Variants in THSD7A observed in about 807,000 individuals in gnomAD.
THSD7A encodes the protein thrombospondin type 1 domain containing 7A, also known as thrombospondin type-1 domain-containing protein 7A.
A neutral mutation model predicts 231.3 loss-of-function variants in THSD7A; 96 were observed. That is an observed-to-expected ratio of 0.41 (90% CI 0.35 to 0.49). The LOEUF is 0.49. THSD7A is among the 20% of genes least tolerant of loss of function. The pLI, the probability that THSD7A is intolerant of heterozygous loss-of-function variation, is 0.05. For missense variants in THSD7A, 2,290 were observed against 2,070.2 expected (o/e 1.11, Z -2.06); for synonymous variants, 940 against 743.3 (o/e 1.26, Z -4.30).
chr7:11,824,671 G>A (rs1784973839), intron 1 of THSD7A, among the ~76,000 whole-genome samples: 1 of 152,048 alleles, frequency 6.6e-6, no homozygotes, highest in Admixed American at 6.6e-5. Flanking sequence ...AACCAATATA[G>A]TTTTAATGAA....
chr7:11,671,480 T>G (rs755889672), intron 1 of THSD7A, among the ~76,000 whole-genome samples: 4 of 152,208 alleles, frequency 2.6e-5, no homozygotes, highest in Admixed American at 6.6e-5. Flanking sequence ...AGAAACATTC[T>G]GTTCATCTGG....
At chr7:11,777,252 A>C (rs1479113362) in intron 1 of THSD7A, among the ~76,000 whole-genome samples, 4 of 152,168 alleles carry the variant, frequency 2.6e-5, no homozygotes, top group Admixed American at 6.5e-5. Flanking sequence ...CAAGAGATTA[A>C]CTACTTTTTT....
chr7:11,518,078 T>C (rs1434553802), intron 6 of THSD7A, among the ~76,000 whole-genome samples: 4 of 152,154 alleles, frequency 2.6e-5, no homozygotes, highest in Non-Finnish European at 5.9e-5. Context: ...CCACCTTATT[T>C]AACTTCTGAG....
chr7:11,485,845 TGA>T (rs1304284663), intron 6 of THSD7A, among the ~76,000 whole-genome samples: 1 of 152,244 alleles, frequency 6.6e-6, no homozygotes, highest in Non-Finnish European at 1.5e-5. Flanking sequence ...GCATTGTTGA[TGA>T]GTCCAGTGGG....
intron 23 of THSD7A, among the ~76,000 whole-genome samples, chr7:11,396,135 A>G (rs1347603413): frequency 1.3e-5 from 2 of 152,232 alleles, no homozygotes; most frequent in Non-Finnish European, 2.9e-5. Context: ...TCTCTGGCAC[A>G]CAGCTAAAAC....
intron 6 of THSD7A, among the ~76,000 whole-genome samples, chr7:11,524,178 T>C (rs921361351): frequency 6.6e-6 from 1 of 152,204 alleles, no homozygotes; most frequent in Non-Finnish European, 1.5e-5. Flanking sequence ...AATTGTACCC[T>C]GGCTCTGTGG....
chr7:11,537,503 C>G (rs1412340976), intron 6 of THSD7A, among the ~76,000 whole-genome samples: 2 of 152,108 alleles, frequency 1.3e-5, no homozygotes, highest in Non-Finnish European at 2.9e-5. Context: ...GCATCTCTCT[C>G]TTCTCTCCCT....
intron 1 of THSD7A, among the ~76,000 whole-genome samples, chr7:11,783,097 C>T (rs1783684230): frequency 6.6e-6 from 1 of 152,100 alleles, no homozygotes; most frequent in South Asian, 2.1e-4. Flanking sequence ...GAAGCTTAAT[C>T]CCATCAGCAA....
In THSD7A at chr7:11,427,062, G is replaced by C. The variant is rs78747965; in HGVS notation, c.3244-391C>G. Reference sequence around the variant, plus strand: ...AGTATATTTATAGATTGATCTATCCGTTGATTTACCTTAATCAGTTCATCT... The same window carrying C: ...AGTATATTTATAGATTGATCTATCCCTTGATTTACCTTAATCAGTTCATCT... On this transcript the variant is annotated intron_variant, in intron 14 of 27. Coordinates refer to ENST00000423059, the MANE Select transcript of THSD7A (RefSeq NM_015204.3). Among the ~76,000 whole-genome samples the C allele has an allele frequency of 2.4e-4, 37 of 152,220 alleles. No homozygotes were observed. The South Asian group carries it at 3.1e-3, about 13-fold the overall frequency.
At chr7:11,713,273 A>G (rs1781025093) in intron 1 of THSD7A, among the ~76,000 whole-genome samples, 1 of 151,328 alleles carries the variant, frequency 6.6e-6, no homozygotes, top group Admixed American at 6.6e-5. Flanking sequence ...ATGAATAAAT[A>G]GGTTAAAAAG....
intron 4 of THSD7A, among the ~76,000 whole-genome samples, chr7:11,559,330 G>T (rs1789981887): frequency 6.6e-6 from 1 of 152,118 alleles, no homozygotes; most frequent in Non-Finnish European, 1.5e-5. Context: ...GGAGGCAGTA[G>T]AAAACTAATA....
chr7:11,635,085 A>C (rs1429264814), intron 2 of THSD7A, among the ~76,000 whole-genome samples: 1 of 152,186 alleles, frequency 6.6e-6, no homozygotes, highest in Non-Finnish European at 1.5e-5. Flanking sequence ...CAAGATTTCC[A>C]GAGGCCATAA....
chr7:11,393,444 T>C (rs1450415231), intron 23 of THSD7A, among the ~76,000 whole-genome samples: 1 of 152,172 alleles, frequency 6.6e-6, no homozygotes, highest in Non-Finnish European at 1.5e-5. Flanking sequence ...AAAACCCAAA[T>C]GCTTCCTCTC....
At chr7:11,643,560 T>C (rs1265213306) in intron 1 of THSD7A, among the ~76,000 whole-genome samples, 4 of 151,354 alleles carry the variant, frequency 2.6e-5, no homozygotes, top group African/African-American at 4.9e-5. Context: ...TACTTCATAA[T>C]GTGCTATAAT....
intron 4 of THSD7A, among the ~76,000 whole-genome samples, chr7:11,552,117 A>G (rs1035079912): frequency 3.3e-5 from 5 of 152,094 alleles, no homozygotes; most frequent in Non-Finnish European, 1.5e-5. Flanking sequence ...GCTGATAAAC[A>G]TGAACACAAA....
intron 2 of THSD7A, among the ~76,000 whole-genome samples, chr7:11,608,681 G>A (rs1255320771): frequency 6.6e-6 from 1 of 152,012 alleles, no homozygotes; most frequent in Non-Finnish European, 1.5e-5. Flanking sequence ...ATTCTTTCCT[G>A]CTCCTGTTAT....
At chr7:11,454,700 C>T (rs1785248842) in intron 11 of THSD7A, among the ~76,000 whole-genome samples, 3 of 151,796 alleles carry the variant, frequency 2.0e-5, no homozygotes, top group African/African-American at 4.8e-5. Context: ...ATTTGTTATA[C>T]ATTTTTAATA....
intron 6 of THSD7A, among the ~76,000 whole-genome samples, chr7:11,529,017 CTTG>C (rs1426534158): frequency 2.0e-5 from 3 of 152,132 alleles, no homozygotes; most frequent in African/African-American, 2.4e-5. Flanking sequence ...CAGTCAGTAG[CTTG>C]TTGTCTTCTA....
intron 23 of THSD7A, among the ~76,000 whole-genome samples, chr7:11,399,151 C>A (rs1316045564): frequency 1.3e-5 from 2 of 152,128 alleles, no homozygotes; most frequent in East Asian, 3.9e-4. Flanking sequence ...TTTGGGAAAA[C>A]TCATAATTAA....
Sources: allele counts gnomAD v4.1 joint callset (sites outside exome capture counted in the v4.1 genomes callset), GRCh38; gene constraint gnomAD v4.1.1; transcripts MANE v1.5; gene names NCBI Gene and HGNC (gene_info 2026-07-23, HGNC 2026-07-21).